The following SLC12A7 variants were observed in gnomAD, a reference collection of about 807,000 sequenced individuals.
The protein encoded by SLC12A7 is solute carrier family 12 member 7.
A neutral mutation model predicts 120.6 loss-of-function variants in SLC12A7; 100 were observed. The ratio of observed to expected loss-of-function variants is 0.83; its 90% CI spans 0.71 to 0.98. The LOEUF (loss-of-function observed/expected upper bound fraction) is 0.98. Among genes scored for constraint, SLC12A7 ranks in the 50% least tolerant of loss-of-function variants. The probability of loss-of-function intolerance (pLI) is 0.00; values close to 1 mark genes in which losing one functional copy is unlikely to be tolerated. For missense variants in SLC12A7, 1,373 were observed against 1,548.1 expected, an observed-to-expected ratio of 0.89 and a Z score of 1.90; for synonymous variants, 760 against 678.0, an observed-to-expected ratio of 1.12 and a Z score of -1.88.
At chr5:1,061,598 G>A (rs1490789995) in intron 20 of SLC12A7, among the ~76,000 whole-genome samples, 5 of 151,904 alleles carry the variant, frequency 3.3e-5, no homozygotes, top group Admixed American at 2.0e-4. Flanking sequence ...TGTCTCACCC[G>A]CCGCACCCGG....
chr5:1,085,378 G>A lies in SLC12A7; in HGVS notation c.771C>T (p.Cys257=). The part of the protein sequence containing the change: ...MLHNMRVYGT[C]TLVLMALVVF... ...CCACCAGGGCCATGAGCACGAGCGT[G>A]CACGTGCCGTACACACGCATGTTGT... Residue 257 remains cysteine, a synonymous_variant, in exon 7 of 24, where the codon TGC becomes TGT. Transcript: ENST00000264930. The A allele has an allele frequency of 6.2e-7, 1 of 1,612,188 alleles. No homozygotes were observed. The highest frequency in any genetic ancestry group is 1.1e-5 in the South Asian group (1 of 90,994).
At chr5:1,068,528 C>T (rs931958724) in intron 17 of SLC12A7, among the ~76,000 whole-genome samples, 5 of 152,386 alleles carry the variant, frequency 3.3e-5, no homozygotes, top group East Asian at 3.9e-4. Context: ...GAGGAGAATA[C>T]GGCTCCCCAG....
Position 1,085,339 on chromosome 5 carries a change from GA to G in SLC12A7, c.809del (p.Val270AlafsTer162). 6.2e-7 allele frequency: 1 copy of G among 1,612,630 alleles called. No homozygotes were observed. The highest frequency in any genetic ancestry group is 8.5e-7 in the Non-Finnish European group (1 of 1,179,878). On this transcript the variant is annotated frameshift_variant, in exon 7 of 24. Coordinates refer to ENST00000264930, the MANE Select transcript of SLC12A7 (RefSeq NM_006598.3). LOFTEE classifies it high-confidence loss of function. Reference sequence around the variant, plus strand: ...CCAGCGCCAGCTTGTTGACATACTTGACGCCCACGAAGACCACCAGGGCCAT... The same window carrying G: ...CCAGCGCCAGCTTGTTGACATACTTGCGCCCACGAAGACCACCAGGGCCAT... ...VLMALVVFVGVKYVNKLALVF... is the reference protein window; with the variant it reads ...VLMALVVFVGXKYVNKLALVF...
At chr5:1,119,572 G>C in the SLC12A7 span, among the ~76,000 whole-genome samples, 4 of 152,260 alleles carry the variant, frequency 2.6e-5, no homozygotes, top group African/African-American at 9.6e-5. Context: ...TCCTGGTTGG[G>C]CGGTGAGGTT....
rs1735188222 is a variant in SLC12A7, at chr5:1,052,755, G to A, written c.3161-304C>T. ...GACAGGGAACCCCAGCCACGGGACT[G>A]GGTCCTCACCAGCCTACAGGGGACC... On this transcript the variant is annotated intron_variant, in intron 23 of 23. Coordinates refer to ENST00000264930, the MANE Select transcript of SLC12A7 (RefSeq NM_006598.3). Among the ~76,000 whole-genome samples the A allele has an allele frequency of 2.0e-5, 3 of 152,194 alleles. No homozygotes were observed. In the South Asian group the frequency reaches 6.2e-4, roughly 31 times the overall value.
At chr5:1,058,356 C>T (rs1240493066) in intron 21 of SLC12A7, among the ~76,000 whole-genome samples, 2 of 152,364 alleles carry the variant, frequency 1.3e-5, no homozygotes, top group East Asian at 3.9e-4. Context: ...TCACGCCCTC[C>T]ATGCTGTCGT....
At chr5:1,141,455 T>C in the SLC12A7 span, among the ~76,000 whole-genome samples, 842 of 49,736 alleles carry the variant, frequency 0.017, 10 homozygotes, top group African/African-American at 0.037. Flanking sequence ...ACAGCCGCCA[T>C]GGGCACCAGA....
Position 1,073,683 on chromosome 5 carries a change from G to C in SLC12A7, c.2191C>G (p.Leu731Val), listed in dbSNP as rs761422693. ...TGCTTGTCCAGGTACGTCCCCTCCA[G>C]CACCGAGCCCACGATGGTCAGGCCC... ...GKGLTIVGSV[L>V]EGTYLDKHME... is the part of the protein sequence containing the mutation. Residue 731 changes from leucine to valine, a missense_variant, in exon 17 of 24, where the codon CTG becomes GTG. Coordinates refer to ENST00000264930, the MANE Select transcript of SLC12A7 (RefSeq NM_006598.3). 1.3e-6 allele frequency: 2 copies of C among 1,599,490 alleles called. No homozygotes were observed. The highest frequency in any genetic ancestry group is 2.2e-5 in the South Asian group (2 of 90,124).
At chr5:1,120,599 CAG>C in the SLC12A7 span, among the ~76,000 whole-genome samples, 1 of 152,188 alleles carries the variant, frequency 6.6e-6, no homozygotes, top group African/African-American at 2.4e-5. Flanking sequence ...CCACTCTCAA[CAG>C]AAACACACAG....
At chr5:1,140,066 C>T in the SLC12A7 span, among the ~76,000 whole-genome samples, 6 of 152,170 alleles carry the variant, frequency 3.9e-5, no homozygotes, top group East Asian at 3.9e-4. Context: ...TCAAACGCTC[C>T]GAGGTCGGTG....
At chr5:1,108,097 C>T (rs981924342) in intron 1 of SLC12A7, among the ~76,000 whole-genome samples, 8 of 152,328 alleles carry the variant, frequency 5.3e-5, no homozygotes, top group African/African-American at 7.2e-5. Context: ...TGTATGCACA[C>T]GTGTGTACAT....
chr5:1,137,567 C>T, the SLC12A7 span, among the ~76,000 whole-genome samples: 1 of 152,208 alleles, frequency 6.6e-6, no homozygotes, highest in East Asian at 1.9e-4. Context: ...TCCAGACCCC[C>T]CGAGCAGGCA....
At chr5:1,058,050 G>A (rs150414315) in intron 21 of SLC12A7, among the ~76,000 whole-genome samples, 2,584 of 152,336 alleles carry the variant, frequency 0.017, 28 homozygotes, top group Non-Finnish European at 0.025. Context: ...GGGGCAGGTG[G>A]GGCCGTACCA....
intron 1 of SLC12A7, among the ~76,000 whole-genome samples, chr5:1,103,480 C>T (rs1360593782): frequency 6.6e-6 from 1 of 152,046 alleles, no homozygotes; most frequent in South Asian, 2.1e-4. Flanking sequence ...CAGGCACTTC[C>T]ACGTGCACAC....
chr5:1,082,849 C>T (rs1579383582), intron 8 of SLC12A7, among the ~76,000 whole-genome samples: 2 of 145,644 alleles, frequency 1.4e-5, no homozygotes, highest in African/African-American at 5.1e-5. Flanking sequence ...AAAGCCTGGG[C>T]TTCCCGTCTC....
chr5:1,050,605 A>C lies in SLC12A7; in HGVS notation c.*1755T>G, dbSNP rs1734941867. ...GCAGAACTGAGCGGCCCTCAGAAGC[A>C]GGGCTGTTTTCCAGCCACCAACCAA... On this transcript the variant is annotated 3_prime_UTR_variant, in exon 24 of 24. Coordinates refer to ENST00000264930, the MANE Select transcript of SLC12A7 (RefSeq NM_006598.3). 5 of 362,326 alleles carry C rather than the reference A, an allele frequency of 1.4e-5. No individual in the cohort carries two copies. In the South Asian group the frequency reaches 7.5e-4, roughly 54 times the overall value. 22.4% of individuals were successfully genotyped at this position (362,326 alleles called of 1,614,324 possible).
At chr5:1,146,609 C>G in the SLC12A7 span, among the ~76,000 whole-genome samples, 4 of 152,284 alleles carry the variant, frequency 2.6e-5, no homozygotes, top group Admixed American at 6.5e-5. This position sits in a 1 kb window ranked among gnomAD's most constrained non-coding sequence, Gnocchi z 6.5. Context: ...CCGCCCTCCT[C>G]CCTTTCGGAA....
At chr5:1,094,818 CCCT>C (rs1300692176) in intron 1 of SLC12A7, among the ~76,000 whole-genome samples, 5 of 152,164 alleles carry the variant, frequency 3.3e-5, no homozygotes, top group Non-Finnish European at 5.9e-5. Context: ...GTAAATGAGC[CCCT>C]CCTGAGTCTT....
chr5:1,138,050 G>A, the SLC12A7 span, among the ~76,000 whole-genome samples: 1 of 152,206 alleles, frequency 6.6e-6, no homozygotes, highest in African/African-American at 2.4e-5. Context: ...GTCACGCTGT[G>A]TCCAGAGTTG....
Sources: gnomAD v4.1 joint callset for allele counts (sites outside exome capture counted in the v4.1 genomes callset) on GRCh38, gnomAD v4.1.1 for gene constraint, Gnocchi (gnomAD v3.1) non-coding constraint, MANE v1.5 for transcripts, NCBI Gene and HGNC (gene_info 2026-07-23, HGNC 2026-07-21) for gene names.